Variants in FER1L6 observed in about 807,000 individuals in gnomAD.
The protein encoded by FER1L6 is fer-1 like family member 6, also known as fer-1-like protein 6.
A neutral mutation model predicts 219.2 loss-of-function variants in FER1L6; 177 were observed. The ratio of observed to expected loss-of-function variants is 0.81; its 90% CI spans 0.71 to 0.91. The LOEUF is 0.91. FER1L6 is among the 40% of genes least tolerant of loss of function. FER1L6 has a pLI of 0.00. For synonymous variants in FER1L6, 768 were observed against 824.3 expected, an observed-to-expected ratio of 0.93 and a Z score of 1.17; for missense variants, 2,153 against 2,259.9, an observed-to-expected ratio of 0.95 and a Z score of 0.96.
At chr8:123,935,286 CAT>C (rs1440747867) in intron 1 of FER1L6, among the ~76,000 whole-genome samples, 6 of 152,116 alleles carry the variant, frequency 3.9e-5, no homozygotes, top group African/African-American at 1.4e-4. Flanking sequence ...CAAATTGCCT[CAT>C]ATTTTGCCAC....
chr8:124,060,645 C>T lies in FER1L6; in HGVS notation c.3083C>T (p.Ser1028Phe). Reference protein sequence around the residue: ...LIECGGQGVKSCVIQSYKNNP... With the variant: ...LIECGGQGVKFCVIQSYKNNP... ...GAGTGCGGAGGACAAGGTGTGAAGT[C>T]CTGCGTGATCCAGAGCTACAAGAAC... Residue 1028 changes from serine to phenylalanine, a missense_variant, in exon 24 of 41, where the codon TCC becomes TTC. Ser to Phe is a radical substitution (Grantham distance 155, BLOSUM62 -2). Coordinates refer to ENST00000522917, the MANE Select transcript of FER1L6 (RefSeq NM_001039112.2). 6.2e-7 allele frequency: 1 copy of T among 1,614,052 alleles called. No individual in the cohort carries two copies. The highest frequency in any genetic ancestry group is 8.5e-7 in the Non-Finnish European group (1 of 1,179,992).
intron 1 of FER1L6, among the ~76,000 whole-genome samples, chr8:123,885,480 C>T (rs1181313025): frequency 1.3e-5 from 2 of 152,212 alleles, no homozygotes; most frequent in African/African-American, 4.8e-5. Flanking sequence ...TGTTTCTCCT[C>T]TAGCAGTAGT....
intron 1 of FER1L6, among the ~76,000 whole-genome samples, chr8:123,945,921 G>T (rs1242389877): frequency 1.3e-5 from 2 of 152,080 alleles, no homozygotes; most frequent in East Asian, 3.8e-4. Flanking sequence ...AAATAATTAG[G>T]CTATCACTTT....
chr8:124,048,832 G>A (rs1217919742), intron 21 of FER1L6, among the ~76,000 whole-genome samples: 2 of 152,208 alleles, frequency 1.3e-5, no homozygotes, highest in Non-Finnish European at 2.9e-5. Context: ...ACTGAAGTCT[G>A]CCTGGCTCCA....
chr8:124,005,773 A>C (rs1374900469), intron 13 of FER1L6, among the ~76,000 whole-genome samples: 1 of 152,222 alleles, frequency 6.6e-6, no homozygotes, highest in Non-Finnish European at 1.5e-5. Context: ...GAGTAATCCC[A>C]CTGGGGAGGA....
intron 12 of FER1L6, among the ~76,000 whole-genome samples, chr8:124,002,172 G>C (rs894158500): frequency 6.6e-6 from 1 of 152,246 alleles, no homozygotes; most frequent in Non-Finnish European, 1.5e-5. Context: ...CTTCTGTGGA[G>C]AGACAGACTC....
At chr8:123,903,592 TA>T (rs1812896429) in intron 1 of FER1L6, among the ~76,000 whole-genome samples, 1 of 152,188 alleles carries the variant, frequency 6.6e-6, no homozygotes, top group South Asian at 2.1e-4. Context: ...TACGTAAAAT[TA>T]AATGAGTGCT....
chr8:124,017,932 T>G (rs1330787133), intron 16 of FER1L6, among the ~76,000 whole-genome samples: 1 of 152,234 alleles, frequency 6.6e-6, no homozygotes. Context: ...TGGTCCTACT[T>G]CCTACTCTGA....
chr8:123,864,955 T>C (rs1171265093), intron 1 of FER1L6, among the ~76,000 whole-genome samples: 1 of 151,236 alleles, frequency 6.6e-6, no homozygotes, highest in East Asian at 1.9e-4. Flanking sequence ...AGTAATTTGA[T>C]CGTCTGAAGC....
chr8:123,872,901 G>A (rs889236670), intron 1 of FER1L6, among the ~76,000 whole-genome samples: 4 of 152,176 alleles, frequency 2.6e-5, no homozygotes, highest in Non-Finnish European at 5.9e-5. Context: ...ACATACACAA[G>A]GTTCACCATA....
intron 13 of FER1L6, among the ~76,000 whole-genome samples, chr8:124,005,839 GC>G (rs1490473787): frequency 6.6e-6 from 1 of 152,188 alleles, no homozygotes; most frequent in Non-Finnish European, 1.5e-5. Flanking sequence ...ATGAGAATGT[GC>G]TTAAGGGATT....
chr8:123,888,564 T>C (rs576546540), intron 1 of FER1L6, among the ~76,000 whole-genome samples: 8 of 152,298 alleles, frequency 5.3e-5, no homozygotes, highest in African/African-American at 1.9e-4. Context: ...AGGTTCCAGG[T>C]GATCTTCTTC....
chr8:123,962,570 G>C (rs968745160), intron 2 of FER1L6, among the ~76,000 whole-genome samples: 1 of 152,058 alleles, frequency 6.6e-6, no homozygotes, highest in Non-Finnish European at 1.5e-5. Context: ...AGTATAATGA[G>C]GTATGCCTGA....
intron 1 of FER1L6, among the ~76,000 whole-genome samples, chr8:123,901,911 G>T (rs1487396791): frequency 3.3e-5 from 5 of 151,752 alleles, no homozygotes; most frequent in Non-Finnish European, 5.9e-5. Context: ...TAGTAGAGAT[G>T]GGGTTTCACC....
At chr8:124,116,192 C>T (rs1823235957) in intron 39 of FER1L6, among the ~76,000 whole-genome samples, 1 of 152,214 alleles carries the variant, frequency 6.6e-6, no homozygotes, top group Admixed American at 6.5e-5. Context: ...ATCACCAAGC[C>T]TTGGTTTCCT....
chr8:123,992,892 G>A (rs1563730170), intron 12 of FER1L6, among the ~76,000 whole-genome samples: 1 of 152,104 alleles, frequency 6.6e-6, no homozygotes, highest in Non-Finnish European at 1.5e-5. Flanking sequence ...GTTTTGATAA[G>A]TTGTGTCACT....
intron 22 of FER1L6, among the ~76,000 whole-genome samples, 193 bp from the exon 23 acceptor site, chr8:124,059,987 C>A (rs1008464589): frequency 3.3e-5 from 5 of 152,076 alleles, no homozygotes; most frequent in Non-Finnish European, 5.9e-5. Context: ...ATGTTGGTTA[C>A]CCTTGTAAAT....
chr8:124,093,215 G>A (rs1355285397), intron 34 of FER1L6, among the ~76,000 whole-genome samples: 2 of 151,960 alleles, frequency 1.3e-5, no homozygotes, highest in African/African-American at 4.8e-5. Flanking sequence ...GTGAGAAACT[G>A]CCCCCATGAT....
chr8:124,111,815 A>G lies in FER1L6; in HGVS notation c.5290-7029A>G, dbSNP rs192433763. Among the ~76,000 whole-genome samples, 1 of 152,164 alleles carries G rather than the reference A, an allele frequency of 6.6e-6. No homozygotes were observed. Among genetic ancestry groups the G allele is most frequent in the Non-Finnish European group, 1.5e-5 (1 of 68,002 alleles). On this transcript the variant is annotated intron_variant, in intron 39 of 40. Coordinates refer to ENST00000522917, the MANE Select transcript of FER1L6 (RefSeq NM_001039112.2). This position sits in a 1 kb window ranked among gnomAD's most constrained non-coding sequence, Gnocchi z 5.0. ...AACCTGTTTTATCAGGAAGGTCTTT[A>G]TGACCTGTATCTTGTGCTGACCTCC...
Sources: gnomAD v4.1 joint callset for allele counts (sites outside exome capture counted in the v4.1 genomes callset) on GRCh38, gnomAD v4.1.1 for gene constraint, Gnocchi (gnomAD v3.1) non-coding constraint, MANE v1.5 for transcripts, NCBI Gene and HGNC (gene_info 2026-07-23, HGNC 2026-07-21) for gene names.